MYO16: variants seen among roughly 807,000 people sequenced by gnomAD.
MYO16 encodes the protein myosin XVI, also known as unconventional myosin-XVI.
In MYO16, 94 loss-of-function variants were observed where a neutral mutation model predicts 205.3. The ratio of observed to expected loss-of-function variants is 0.46; its 90% CI spans 0.39 to 0.54. The LOEUF (loss-of-function observed/expected upper bound fraction) is 0.54. Among genes scored for constraint, MYO16 ranks in the 20% least tolerant of loss-of-function variants. MYO16 has a pLI of 0.00. For missense variants in MYO16, 2,315 were observed against 2,387.5 expected (o/e 0.97, Z 0.63); for synonymous variants, 988 against 954.0 (o/e 1.04, Z -0.66).
intron 1 of MYO16, among the ~76,000 whole-genome samples, chr13:108,618,699 T>C (rs1393154529): frequency 2.0e-5 from 3 of 152,232 alleles, no homozygotes; most frequent in Non-Finnish European, 4.4e-5. Flanking sequence ...CAGTCAATAG[T>C]TGTTGAATGA....
chr13:108,700,187 G>C (rs774495809), intron 2 of MYO16, among the ~76,000 whole-genome samples: 5 of 152,108 alleles, frequency 3.3e-5, no homozygotes, highest in African/African-American at 1.2e-4. Context: ...ACAAAAATTA[G>C]CCGGGTGTGG....
At chr13:108,716,214 C>G (rs1028807000) in intron 3 of MYO16, among the ~76,000 whole-genome samples, 1 of 152,144 alleles carries the variant, frequency 6.6e-6, no homozygotes, top group African/African-American at 2.4e-5. Flanking sequence ...ATAAGGGTCT[C>G]TTTGGGTGAA....
the MYO16 span, among the ~76,000 whole-genome samples, chr13:108,551,559 T>C: frequency 6.6e-6 from 1 of 152,318 alleles, no homozygotes; most frequent in African/African-American, 2.4e-5. Context: ...GTCCTATCTA[T>C]GTATCTCTAG....
chr13:108,778,514 G>T (rs935375686), intron 4 of MYO16, among the ~76,000 whole-genome samples: 1 of 152,212 alleles, frequency 6.6e-6, no homozygotes, highest in Non-Finnish European at 1.5e-5. Flanking sequence ...AGCTACCTGG[G>T]AGGCTGAGGC....
chr13:108,633,328 G>T (rs757802594), intron 1 of MYO16, among the ~76,000 whole-genome samples: 9 of 152,198 alleles, frequency 5.9e-5, no homozygotes, highest in Non-Finnish European at 8.8e-5. Context: ...AAGCCAGTCA[G>T]AGTCCCAAAA....
In MYO16 at chr13:108,672,828, T is replaced by C. The variant is rs72664976; in HGVS notation, c.292+6679T>C. 5.0e-3 allele frequency among the ~76,000 whole-genome samples: 760 copies of C among 152,234 alleles called. 2 individuals carry two copies. The highest frequency in any genetic ancestry group is 7.5e-3 in the Non-Finnish European group (510 of 68,016). ...ACTTAAAAATCAGAGAGGAAGTACATAGGGAAAATTTAAGAAGGAATGTGA... is the reference window on the plus strand; with the variant it reads ...ACTTAAAAATCAGAGAGGAAGTACACAGGGAAAATTTAAGAAGGAATGTGA... On this transcript the variant is annotated intron_variant, in intron 2 of 34. Coordinates refer to ENST00000457511, the MANE Select transcript of MYO16 (RefSeq NM_001198950.3).
At chr13:108,726,876 T>C (rs1021750504) in intron 3 of MYO16, among the ~76,000 whole-genome samples, 4 of 151,996 alleles carry the variant, frequency 2.6e-5, no homozygotes, top group African/African-American at 9.7e-5. Flanking sequence ...TTAAAATTCA[T>C]TTTAGGAGAC....
At chr13:108,510,485 T>TTTTTTTTTTTTTTTTTTTTTTA in the MYO16 span, among the ~76,000 whole-genome samples, 2 of 96,472 alleles carry the variant, frequency 2.1e-5, no homozygotes, top group African/African-American at 4.2e-5. Context: ...TTTTTTTTTT[T>TTTTTTTTTTTTTTTTTTTTTTA]ATTGTACTTT....
chr13:108,806,954 T>C (rs985969806), intron 7 of MYO16, 150 bp downstream of exon 7: 4 of 533,950 alleles, frequency 7.5e-6, no homozygotes, highest in African/African-American at 2.0e-5. Flanking sequence ...AATATTTTTA[T>C]GGTTAAAGGA....
At chr13:109,002,706 T>A (rs78610021) in intron 21 of MYO16, among the ~76,000 whole-genome samples, 13,852 of 152,260 alleles carry the variant, frequency 0.091, 701 homozygotes, top group Middle Eastern at 0.11. Flanking sequence ...ATGCCAATGA[T>A]TGATGCAGAT....
At position 109,025,371 on chromosome 13, in the gene MYO16, A is replaced by G. The variant is rs186330908; in HGVS notation, c.2796+5460A>G. On this transcript the variant is annotated intron_variant, in intron 23 of 34. Coordinates refer to ENST00000457511, the MANE Select transcript of MYO16 (RefSeq NM_001198950.3). ...AGCAACATTATTTAAATTATAGCTG[A>G]AGATCTTTTCTAAACACATTTGAAT... 3.1e-3 allele frequency among the ~76,000 whole-genome samples: 473 copies of G among 152,308 alleles called. 6 individuals carry two copies. Among genetic ancestry groups the G allele is most frequent in the Admixed American group, 0.024 (361 of 15,294 alleles).
chr13:109,164,803 GTTTGA>G (rs1289426515), intron 32 of MYO16, 93 bp from the exon 33 acceptor site: 2 of 606,546 alleles, frequency 3.3e-6, no homozygotes, highest in African/African-American at 3.9e-5. Flanking sequence ...TGTCATGAAT[GTTTGA>G]TTTGATGTTT....
chr13:108,675,363 A>G (rs911784922), intron 2 of MYO16, among the ~76,000 whole-genome samples: 4 of 152,192 alleles, frequency 2.6e-5, no homozygotes, highest in African/African-American at 7.2e-5. Flanking sequence ...CTGCTAGGTA[A>G]TTAAAGATGC....
the MYO16 span, among the ~76,000 whole-genome samples, chr13:108,556,442 T>C: frequency 2.6e-5 from 4 of 152,300 alleles, no homozygotes; most frequent in East Asian, 7.7e-4. Context: ...TTTTGAGAAA[T>C]GTCTCTTCAG....
At chr13:109,012,613 A>G (rs957817895) in intron 22 of MYO16, among the ~76,000 whole-genome samples, 13 of 151,942 alleles carry the variant, frequency 8.6e-5, no homozygotes, top group African/African-American at 2.9e-4. Flanking sequence ...ATTGTCTTCC[A>G]CAAAACCGTT....
At chr13:108,522,344 A>C in the MYO16 span, among the ~76,000 whole-genome samples, 6 of 152,240 alleles carry the variant, frequency 3.9e-5, no homozygotes, top group African/African-American at 1.4e-4. Context: ...ACTAAATTAC[A>C]TTTAACATGT....
chr13:108,584,757 AC>A, the MYO16 span, among the ~76,000 whole-genome samples: 1 of 152,200 alleles, frequency 6.6e-6, no homozygotes, highest in Admixed American at 6.5e-5. Flanking sequence ...AAAATCAGGT[AC>A]ATGTCTGTTA....
intron 10 of MYO16, among the ~76,000 whole-genome samples, chr13:108,846,499 CAT>C (rs1290145191): frequency 1.5e-5 from 2 of 137,242 alleles, no homozygotes; most frequent in African/African-American, 2.7e-5. Flanking sequence ...CACACACATA[CAT>C]GTGTGTATAT....
chr13:108,544,264 A>G, the MYO16 span, among the ~76,000 whole-genome samples: 2 of 152,166 alleles, frequency 1.3e-5, no homozygotes, highest in Admixed American at 1.3e-4. Context: ...ATCTTCCTTT[A>G]ATCAGGAACA....
Sources: gnomAD v4.1 joint callset for allele counts (sites outside exome capture counted in the v4.1 genomes callset) on GRCh38, gnomAD v4.1.1 for gene constraint, MANE v1.5 for transcripts, NCBI Gene and HGNC (gene_info 2026-07-23, HGNC 2026-07-21) for gene names.